WRAP73: variants seen among roughly 807,000 people sequenced by gnomAD.
WRAP73 encodes WD repeat-containing protein WRAP73.
Under a neutral mutation model 59.6 loss-of-function variants are expected in WRAP73, and 55 were observed. The observed-to-expected ratio is 0.92, with a 90% confidence interval of 0.74 to 1.15. The LOEUF (loss-of-function observed/expected upper bound fraction) is 1.15. WRAP73 is among the 50% of genes most tolerant of loss of function. The pLI is 0.00. For missense variants in WRAP73, 592 were observed against 608.1 expected (o/e 0.97, Z 0.28); for synonymous variants, 265 against 258.2 (o/e 1.03, Z -0.25).
intron 3 of WRAP73, among the ~76,000 whole-genome samples, chr1:3,641,235 G>A (rs1017360634): frequency 6.6e-6 from 1 of 151,964 alleles, no homozygotes; most frequent in Middle Eastern, 3.2e-3. Context: ...TCCACGCTAC[G>A]ACCCAGTGTG....
chr1:3,638,025 G>A (rs10909998), intron 4 of WRAP73, among the ~76,000 whole-genome samples: 6,034 of 152,288 alleles, frequency 0.04, 392 homozygotes, highest in African/African-American at 0.14. Flanking sequence ...CTGGAGGGAC[G>A]CTAATATTCC....
At chr1:3,634,889 G>A in intron 8 of WRAP73, 108 bp downstream of exon 8, 1 of 1,312,948 alleles carries the variant, frequency 7.6e-7, no homozygotes, top group Non-Finnish European at 1.1e-6. Flanking sequence ...GGTGATGGAA[G>A]TGCCCGGTTA....
In WRAP73 at chr1:3,635,357, C is replaced by T. The variant is rs536004709; in HGVS notation, c.604-63G>A. The T allele has an allele frequency of 1.6e-5, 25 of 1,599,240 alleles. 1 individual carries two copies. Among genetic ancestry groups the T allele is most frequent in the South Asian group, 1.6e-4 (14 of 89,690 alleles). The stretch of plus-strand genomic sequence containing the variant: ...CCCGTCGCCAGGAACACACCACAGA[C>T]GCGGGTGCTGCAGAGTGACATTGGT... On this transcript the variant is annotated intron_variant, in intron 6 of 11. Coordinates refer to ENST00000270708, the MANE Select transcript of WRAP73 (RefSeq NM_017818.4).
chr1:3,649,798 C>A, intron 1 of WRAP73, 133 bp downstream of exon 1: 5 of 939,980 alleles, frequency 5.3e-6, no homozygotes, highest in Non-Finnish European at 7.8e-6. Flanking sequence ...CTGCCCGGGC[C>A]CCGCACCTGT....
chr1:3,639,922 G>A lies in WRAP73; in HGVS notation c.340-1100C>T, dbSNP rs758609070. Among the ~76,000 whole-genome samples the A allele has an allele frequency of 6.6e-6, 1 of 152,204 alleles. No individual in the cohort carries two copies. Among genetic ancestry groups the A allele is most frequent in the Non-Finnish European group, 1.5e-5 (1 of 68,022 alleles). ...AGCAGCGTAAGTGGGGCCGCAGCGT[G>A]TGGGGCACAGCATGTCCACAGTGTC... On this transcript the variant is annotated intron_variant, in intron 3 of 11. Coordinates refer to ENST00000270708, the MANE Select transcript of WRAP73 (RefSeq NM_017818.4). This position sits in a 1 kb window ranked among gnomAD's most constrained non-coding sequence, Gnocchi z 4.3.
chr1:3,631,412 G>A (rs777824511), intron 11 of WRAP73, 54 bp downstream of exon 11: 4 of 1,539,758 alleles, frequency 2.6e-6, no homozygotes, highest in African/African-American at 1.4e-5. Context: ...CCCGTGTGAT[G>A]CCAGACTGCA....
In WRAP73 at chr1:3,647,460, G is replaced by A. The variant is rs369468360; in HGVS notation, c.170C>T (p.Ser57Leu). Residue 57 changes from serine (S) to leucine (L), a missense_variant, in exon 2 of 12, where the codon TCG becomes TTG. Coordinates refer to ENST00000270708, the MANE Select transcript of WRAP73 (RefSeq NM_017818.4). ...GCACAGGATGAAGAGCGAGTCTGCC[G>A]ACCACTCGATGTGCTGGATCTGGTC... ...CLDQIQHIEWSADSLFILCAM... is the reference protein window; with the variant it reads ...CLDQIQHIEWLADSLFILCAM... 1.9e-5 allele frequency: 30 copies of A among 1,613,780 alleles called. No homozygotes were observed. Among genetic ancestry groups the A allele is most frequent in the Admixed American group, 3.3e-5 (2 of 59,990 alleles).
In WRAP73 at chr1:3,639,245, G is replaced by A. The variant is rs1644615794; in HGVS notation, c.340-423C>T. 1 of 190,128 alleles carries A rather than the reference G, an allele frequency of 5.3e-6. No individual in the cohort carries two copies. The highest frequency in any genetic ancestry group is 1.1e-5 in the Non-Finnish European group (1 of 92,488). 11.8% of individuals were successfully genotyped at this position (190,128 alleles called of 1,614,324 possible). On this transcript the variant is annotated intron_variant, in intron 3 of 11. Coordinates refer to ENST00000270708, the MANE Select transcript of WRAP73 (RefSeq NM_017818.4). The surrounding 1 kb of genome is among the most constrained non-coding windows in gnomAD (Gnocchi z 4.3). ...GCAGCCACTCCGGGACTCACCAGGGGGCTGTGAGCCTGCATCTGCAGCCCT... is the reference window on the plus strand; with the variant it reads ...GCAGCCACTCCGGGACTCACCAGGGAGCTGTGAGCCTGCATCTGCAGCCCT...
Position 3,646,002 on chromosome 1 carries a change from G to GT in WRAP73, c.339+663dup, listed in dbSNP as rs1570311489. On this transcript the variant is annotated intron_variant, in intron 3 of 11. Coordinates refer to ENST00000270708, the MANE Select transcript of WRAP73 (RefSeq NM_017818.4). The surrounding 1 kb of genome is among the most constrained non-coding windows in gnomAD (Gnocchi z 5.1). Reference sequence around the variant, plus strand: ...AAATCTAAATTAAGATTTTTAAAATGTTTTTTCTTCAAAACTGGACAAAAG... The same window carrying GT: ...AAATCTAAATTAAGATTTTTAAAATGTTTTTTTCTTCAAAACTGGACAAAAG... Among the ~76,000 whole-genome samples, 2 of 152,198 alleles carry GT rather than the reference G, an allele frequency of 1.3e-5. No homozygotes were observed. Among genetic ancestry groups the GT allele is most frequent in the Admixed American group, 6.5e-5 (1 of 15,286 alleles).
At chr1:3,647,122 G>C (rs948834962) in intron 2 of WRAP73, 4 of 451,044 alleles carry the variant, frequency 8.9e-6, no homozygotes, top group South Asian at 3.9e-5. Context: ...TTTGGACACA[G>C]AAGAAAACAC....
At position 3,649,915 on chromosome 1, in the gene WRAP73, G is replaced by C; in HGVS notation, c.69+16C>G. On this transcript the variant is annotated intron_variant, in intron 1 of 11. Coordinates refer to ENST00000270708, the MANE Select transcript of WRAP73 (RefSeq NM_017818.4). Reference sequence around the variant, plus strand: ...CCGAGGATGTCCTGCCCGTGGCCCAGGTCCCCGCCGCTCACCAGGTACTTG... The same window carrying C: ...CCGAGGATGTCCTGCCCGTGGCCCACGTCCCCGCCGCTCACCAGGTACTTG... 1 of 1,592,948 alleles carries C rather than the reference G, an allele frequency of 6.3e-7. No homozygotes were observed. The highest frequency in any genetic ancestry group is 8.5e-7 in the Non-Finnish European group (1 of 1,171,726).
At chr1:3,632,845 C>G (rs1570292042) in intron 9 of WRAP73, 1 of 224,054 alleles carries the variant, frequency 4.5e-6, no homozygotes, top group Non-Finnish European at 8.9e-6. Context: ...TGACCCCCAT[C>G]CTGAGCACAC....
Position 3,630,828 on chromosome 1 carries a change from T to TA in WRAP73, c.*146dup. ...TAAAACTACAGTTTTATACCATACA[T>TA]ATTTACAAAAATGCTTTGCTATAGA... On this transcript the variant is annotated 3_prime_UTR_variant, in exon 12 of 12. Transcript: ENST00000270708. 1 of 1,016,342 alleles carries TA rather than the reference T, an allele frequency of 9.8e-7. No homozygotes were observed. Among genetic ancestry groups the TA allele is most frequent in the Non-Finnish European group, 1.4e-6 (1 of 696,078 alleles). The allele number at this position is 1,016,342 out of a possible 1,614,324, so 63.0% of individuals were successfully genotyped here. A position where few individuals can be genotyped will look rare whatever the true frequency, so the allele number is the denominator to read the frequency against.
rs138332031 is a variant in WRAP73, at chr1:3,647,458, C to A, written c.172G>T (p.Ala58Ser). 15 of 1,613,730 alleles carry A rather than the reference C, an allele frequency of 9.3e-6. No individual in the cohort carries two copies. In the African/African-American group the frequency reaches 2.0e-4, roughly 22 times the overall value. ...LDQIQHIEWS[A>S]DSLFILCAMY... The stretch of plus-strand genomic sequence containing the variant: ...GCGCACAGGATGAAGAGCGAGTCTG[C>A]CGACCACTCGATGTGCTGGATCTGG... The change falls in exon 2 of 12, where the codon GCA becomes TCA. Residue 58 changes from alanine to serine, a missense_variant. Physicochemically the swap from Ala to Ser is moderately conservative, Grantham distance 99. Transcript: ENST00000270708.
intron 11 of WRAP73, 117 bp downstream of exon 11, chr1:3,631,349 G>C: frequency 2.2e-6 from 3 of 1,389,904 alleles, no homozygotes; most frequent in Non-Finnish European, 2.0e-6. Flanking sequence ...AGACTCTGAG[G>C]GCAGTTTCCC....
rs755333425 is a variant in WRAP73, at chr1:3,632,222, T to C, written c.1039A>G (p.Thr347Ala). ...AFSPDSYFLA[T>A]RNDNIPNAVW... ...CGTCAGCACAACTGACCGTTCCTTG[T>C]CGCCAGGAAGTAGCTGTCAGGACTA... The change falls in exon 10 of 12, where the codon ACA becomes GCA. Residue 347 changes from threonine (T) to alanine (A), a missense_variant. Physicochemically the swap from Thr to Ala is moderately conservative, Grantham distance 58. Coordinates refer to ENST00000270708, the MANE Select transcript of WRAP73 (RefSeq NM_017818.4). The C allele has an allele frequency of 1.9e-6, 3 of 1,613,520 alleles. No individual in the cohort carries two copies. The Admixed American group carries it at 5.0e-5, about 27-fold the overall frequency.
chr1:3,633,556 A>C, intron 8 of WRAP73, 53 bp from the exon 9 acceptor site: 1 of 1,419,006 alleles, frequency 7.0e-7, no homozygotes, highest in East Asian at 2.4e-5. Context: ...CCGGAAGCCA[A>C]GGATGGACGT....
chr1:3,649,147 G>C (rs1026712005), intron 1 of WRAP73, among the ~76,000 whole-genome samples: 1 of 152,252 alleles, frequency 6.6e-6, no homozygotes, highest in East Asian at 1.9e-4. Flanking sequence ...TAGGCATCCG[G>C]GTTATCCCTC....
intron 11 of WRAP73, 35 bp downstream of exon 11, chr1:3,631,431 G>A: frequency 3.2e-6 from 5 of 1,555,706 alleles, no homozygotes; most frequent in Non-Finnish European, 4.4e-6. Context: ...CACACAGCAA[G>A]GCTGCCACGT....
Sources: allele counts gnomAD v4.1 joint callset (sites outside exome capture counted in the v4.1 genomes callset), GRCh38; gene constraint gnomAD v4.1.1; non-coding constraint Gnocchi (gnomAD v3.1); transcripts MANE v1.5; gene names NCBI Gene and HGNC (gene_info 2026-07-23, HGNC 2026-07-21).